The following INPP4B variants were observed in gnomAD, a reference collection of about 807,000 sequenced individuals.
INPP4B encodes inositol polyphosphate-4-phosphatase type II B, also known as inositol polyphosphate 4-phosphatase type II.
A neutral mutation model predicts 122.5 loss-of-function variants in INPP4B; 55 were observed. The ratio of observed to expected loss-of-function variants is 0.45; its 90% CI spans 0.36 to 0.56. The LOEUF is 0.56. Ranked by LOEUF, INPP4B falls within the 20% of genes least tolerant of loss-of-function variation. The probability of loss-of-function intolerance (pLI) is 0.00; values close to 1 mark genes in which losing one functional copy is unlikely to be tolerated. For synonymous variants in INPP4B, 403 were observed against 388.7 expected, an observed-to-expected ratio of 1.04 and a Z score of -0.43; for missense variants, 1,000 against 1,097.7, an observed-to-expected ratio of 0.91 and a Z score of 1.26.
At chr4:142,097,598 C>T (rs1305753083) in intron 23 of INPP4B, among the ~76,000 whole-genome samples, 3 of 151,948 alleles carry the variant, frequency 2.0e-5, no homozygotes, top group Non-Finnish European at 4.4e-5. Context: ...CCTATAGTAG[C>T]CAAGTTGAGT....
intron 7 of INPP4B, among the ~76,000 whole-genome samples, chr4:142,351,703 A>C (rs1781976404): frequency 6.6e-6 from 1 of 152,040 alleles, no homozygotes; most frequent in Non-Finnish European, 1.5e-5. Context: ...TAAGTTGGCC[A>C]AGATGAACAT....
In INPP4B at chr4:142,565,977, C is replaced by G. The variant is rs373272271; in HGVS notation, c.-190-103251G>C. ...TAAGAGACACACCAACGTACGTACACTCATATGTGTTAGAGGCACTTTCAG... is the reference window on the plus strand; with the variant it reads ...TAAGAGACACACCAACGTACGTACAGTCATATGTGTTAGAGGCACTTTCAG... On this transcript the variant is annotated intron_variant, in intron 2 of 25. Coordinates refer to ENST00000262992, the MANE Select transcript of INPP4B (RefSeq NM_001101669.3). 7.2e-5 allele frequency: 11 copies of G among 152,238 alleles called. No individual in the cohort carries two copies. The East Asian group carries it at 1.2e-3, about 16-fold the overall frequency. The allele number at this position is 152,238 out of a possible 1,614,324, so 9.4% of individuals were successfully genotyped here. A position where few individuals can be genotyped will look rare whatever the true frequency, so the allele number is the denominator to read the frequency against.
At chr4:142,476,222 A>C (rs1560701347) in intron 2 of INPP4B, among the ~76,000 whole-genome samples, 1 of 152,234 alleles carries the variant, frequency 6.6e-6, no homozygotes, top group Non-Finnish European at 1.5e-5. Context: ...CAATAATTTC[A>C]TATTTAGCCA....
At chr4:142,693,581 C>T (rs1560968573) in intron 2 of INPP4B, among the ~76,000 whole-genome samples, 2 of 136,462 alleles carry the variant, frequency 1.5e-5, no homozygotes, top group Non-Finnish European at 3.1e-5. Context: ...TGTCTGCTTG[C>T]ATACATTAAA....
rs1250355756 is a variant in INPP4B, at chr4:142,137,573, G to T, written c.1720+8267C>A. Among the ~76,000 whole-genome samples the T allele has an allele frequency of 4.6e-3, 386 of 84,474 alleles. 7 individuals are homozygous for T. The highest frequency in any genetic ancestry group is 0.011 in the African/African-American group (354 of 33,676). 55.4% of individuals were successfully genotyped at this position (84,474 alleles called of 152,430 possible). A position where few individuals can be genotyped will look rare whatever the true frequency, so the allele number is the denominator to read the frequency against. On this transcript the variant is annotated intron_variant, in intron 18 of 25. Transcript: ENST00000262992. ...ACTAAAGAGCTTCTGCACAGCAAAA[G>T]AAACTACCATCAGAGTGAACAGGCA...
Position 142,404,748 on chromosome 4 carries a change from A to G in INPP4B, c.255+458T>C, listed in dbSNP as rs1255792376. ...CCACAGACTAAAGAATACCGGGGGG[A>G]AAAAAAGCAAAAACCCTTAACATGT... On this transcript the variant is annotated intron_variant, in intron 6 of 25. Transcript: ENST00000262992. Among the ~76,000 whole-genome samples, 8 of 152,074 alleles carry G rather than the reference A, an allele frequency of 5.3e-5. No individual in the cohort carries two copies. In the East Asian group the frequency reaches 5.8e-4, roughly 11 times the overall value.
chr4:142,822,430 G>A (rs142289075), intron 1 of INPP4B, among the ~76,000 whole-genome samples: 230 of 152,248 alleles, frequency 1.5e-3, no homozygotes, highest in Middle Eastern at 0.01. Flanking sequence ...AGCAGGAGGT[G>A]AGCTGCAGGA....
At chr4:142,388,360 A>G (rs4476678) in intron 7 of INPP4B, among the ~76,000 whole-genome samples, 31,240 of 152,032 alleles carry the variant, frequency 0.21, 4,364 homozygotes, top group African/African-American at 0.4. Context: ...TTCTCTTCTT[A>G]GATCTTATTT....
chr4:142,468,535 G>A (rs544561882), intron 2 of INPP4B, among the ~76,000 whole-genome samples: 1 of 152,304 alleles, frequency 6.6e-6, no homozygotes, highest in Admixed American at 6.5e-5. Context: ...AGTCATGGGG[G>A]TGGATTCCTC....
chr4:142,334,149 C>T (rs1048375073), intron 7 of INPP4B, among the ~76,000 whole-genome samples: 2 of 152,140 alleles, frequency 1.3e-5, no homozygotes, highest in African/African-American at 4.8e-5. Context: ...GCATAATGCC[C>T]TCAAGGTTCA....
intron 2 of INPP4B, among the ~76,000 whole-genome samples, chr4:142,469,836 A>G (rs920708233): frequency 6.6e-6 from 1 of 152,174 alleles, no homozygotes; most frequent in East Asian, 1.9e-4. Context: ...ATAAATGGGC[A>G]TAGGACTCCA....
At chr4:142,197,573 G>A (rs771450323) in intron 14 of INPP4B, among the ~76,000 whole-genome samples, 3 of 151,954 alleles carry the variant, frequency 2.0e-5, no homozygotes, top group Admixed American at 6.6e-5. Flanking sequence ...TTCTTCACTG[G>A]ATATATGTTA....
At chr4:142,776,604 A>T (rs1773960159) in intron 1 of INPP4B, among the ~76,000 whole-genome samples, 1 of 152,172 alleles carries the variant, frequency 6.6e-6, no homozygotes, top group Non-Finnish European at 1.5e-5. Flanking sequence ...ATTTCTACAT[A>T]AGCATTTCTG....
At chr4:142,374,932 G>T (rs1167402049) in intron 7 of INPP4B, among the ~76,000 whole-genome samples, 5 of 151,890 alleles carry the variant, frequency 3.3e-5, no homozygotes, top group African/African-American at 1.2e-4. Flanking sequence ...TCTAGTAAAG[G>T]TAGGAACAAT....
intron 12 of INPP4B, among the ~76,000 whole-genome samples, chr4:142,222,894 A>G (rs1462243055): frequency 6.6e-6 from 1 of 152,244 alleles, no homozygotes; most frequent in African/African-American, 2.4e-5. Flanking sequence ...CTGAAATGCA[A>G]AAGAACTATC....
intron 1 of INPP4B, among the ~76,000 whole-genome samples, chr4:142,843,881 C>T (rs549570571): frequency 6.4e-4 from 97 of 152,166 alleles, no homozygotes; most frequent in Non-Finnish European, 7.4e-4. Flanking sequence ...AGTACTTATA[C>T]TAGAAGATGC....
chr4:142,820,538 A>G (rs1780676753), intron 1 of INPP4B, among the ~76,000 whole-genome samples: 1 of 152,148 alleles, frequency 6.6e-6, no homozygotes. Flanking sequence ...TTTATTTATA[A>G]ATTACCCAGC....
At chr4:142,695,907 G>A (rs768888978) in intron 2 of INPP4B, among the ~76,000 whole-genome samples, 7 of 152,130 alleles carry the variant, frequency 4.6e-5, no homozygotes, top group Non-Finnish European at 7.4e-5. Flanking sequence ...TAGGCTCAAG[G>A]CAGTGTTTCT....
intron 10 of INPP4B, among the ~76,000 whole-genome samples, chr4:142,264,584 C>T (rs1256520772): frequency 2.6e-5 from 4 of 152,192 alleles, no homozygotes; most frequent in Middle Eastern, 6.8e-3. Context: ...GAGCAATCTT[C>T]CCTTGATAAT....
Sources: gnomAD v4.1 joint callset for allele counts (sites outside exome capture counted in the v4.1 genomes callset) on GRCh38, gnomAD v4.1.1 for gene constraint, MANE v1.5 for transcripts, NCBI Gene and HGNC (gene_info 2026-07-23, HGNC 2026-07-21) for gene names.